The following AMD1 variants were observed in gnomAD, a reference collection of about 807,000 sequenced individuals.
AMD1 encodes S-adenosylmethionine decarboxylase proenzyme.
Under a neutral mutation model 40.2 loss-of-function variants are expected in AMD1, and 11 were observed. That is an observed-to-expected ratio of 0.27 (90% CI 0.17 to 0.45). The LOEUF (loss-of-function observed/expected upper bound fraction) is 0.45, where lower values mean the gene tolerates loss of function less well. AMD1 is among the 20% of genes least tolerant of loss of function. AMD1 has a pLI of 1.00. For synonymous variants in AMD1, 121 were observed against 130.8 expected (o/e 0.93, Z 0.51); for missense variants, 257 against 410.2 (o/e 0.63, Z 3.23).
chr6:110,827,102 A>G, the AMD1 span, among the ~76,000 whole-genome samples: 1 of 152,122 alleles, frequency 6.6e-6, no homozygotes, highest in African/African-American at 2.4e-5. Flanking sequence ...AGCCTATTTC[A>G]AAATAAAGGT....
intron 1 of AMD1, among the ~76,000 whole-genome samples, chr6:110,878,301 G>A (rs1304852324): frequency 3.3e-5 from 5 of 152,116 alleles, no homozygotes; most frequent in South Asian, 2.1e-4. Flanking sequence ...TGGTGTGAGG[G>A]AATACACTTT....
chr6:110,889,840 T>A (rs144809454), intron 3 of AMD1: 18 of 155,688 alleles, frequency 1.2e-4, no homozygotes, highest in African/African-American at 2.4e-4. Flanking sequence ...TTGTAAGAAA[T>A]CTAAAGCAAT....
intron 8 of AMD1, 29 bp downstream of exon 8, chr6:110,893,094 T>C: frequency 6.4e-7 from 1 of 1,550,836 alleles, no homozygotes; most frequent in Non-Finnish European, 8.7e-7. Flanking sequence ...ATTAATCAGG[T>C]TATTTGATTT....
At chr6:110,852,095 C>G in the AMD1 span, among the ~76,000 whole-genome samples, 1 of 150,084 alleles carries the variant, frequency 6.7e-6, no homozygotes, top group Non-Finnish European at 1.5e-5. Flanking sequence ...CTTTGTTACC[C>G]AGGCTGGAGT....
chr6:110,892,017 T>G, intron 4 of AMD1, 144 bp from the exon 5 acceptor site: 120 of 978,808 alleles, frequency 1.2e-4, no homozygotes, highest in Non-Finnish European at 1.7e-4. Flanking sequence ...ATTATAGACA[T>G]GAGCTACTAT....
At chr6:110,819,164 CCTAATCAACA>C in the AMD1 span, among the ~76,000 whole-genome samples, 1 of 152,080 alleles carries the variant, frequency 6.6e-6, no homozygotes, top group Admixed American at 6.6e-5. Context: ...TTGAGACCAG[CCTAATCAACA>C]CGGAGAAACC....
intron 1 of AMD1, among the ~76,000 whole-genome samples, chr6:110,880,435 CA>C (rs1785342495): frequency 1.3e-5 from 2 of 152,150 alleles, no homozygotes; most frequent in Admixed American, 6.5e-5. Flanking sequence ...AAATCATTGC[CA>C]AATGTAATGC....
chr6:110,827,531 A>C, the AMD1 span, among the ~76,000 whole-genome samples: 1 of 152,076 alleles, frequency 6.6e-6, no homozygotes, highest in South Asian at 2.1e-4. Flanking sequence ...TTGGGAGGCC[A>C]AGGTGGGTGG....
chr6:110,875,071 T>A lies in AMD1; in HGVS notation c.-35T>A, dbSNP rs1785023258. The A allele has an allele frequency of 1.3e-6, 2 of 1,547,678 alleles. No homozygotes were observed. The highest frequency in any genetic ancestry group is 2.3e-5 in the South Asian group (2 of 87,910). Reference sequence around the variant, plus strand: ...AGAAGAGGTTTAATTTAGTTGATTTTCTGTGGTTGTTGGTTGTTCGCTAGT... The same window carrying A: ...AGAAGAGGTTTAATTTAGTTGATTTACTGTGGTTGTTGGTTGTTCGCTAGT... On this transcript the variant is annotated 5_prime_UTR_variant, in exon 1 of 9. Transcript: ENST00000368885.
chr6:110,875,914 C>T (rs1052261879), intron 1 of AMD1, among the ~76,000 whole-genome samples: 1 of 152,164 alleles, frequency 6.6e-6, no homozygotes, highest in African/African-American at 2.4e-5. Context: ...CGGCGCAGTC[C>T]CCGGGGCCGC....
rs763886950 is a variant in AMD1 at position 110,892,317 on chromosome 6, T to C, written c.489T>C (p.Asp163=). The C allele has an allele frequency of 6.2e-7, 1 of 1,613,852 alleles. No homozygotes were observed. The highest frequency in any genetic ancestry group is 8.5e-7 in the Non-Finnish European group (1 of 1,180,034). The part of the protein sequence containing the change: ...NSDCWYLYTL[D]FPESRVISQP... ...TATTTAGGTACTTATATACTCTGGA[T>C]TTCCCAGAGAGTCGGGTAATCAGTC... Residue 163 remains aspartate (D), a synonymous_variant, in exon 6 of 9, where the codon GAT becomes GAC. Coordinates refer to ENST00000368885, the MANE Select transcript of AMD1 (RefSeq NM_001634.6).
At chr6:110,875,931 C>CA (rs1785081592) in intron 1 of AMD1, among the ~76,000 whole-genome samples, 1 of 152,182 alleles carries the variant, frequency 6.6e-6, no homozygotes, top group Non-Finnish European at 1.5e-5. Context: ...CCGCCCTCGA[C>CA]ACGGCCGCTG....
At position 110,895,115 on chromosome 6, in the gene AMD1, C is replaced by G. The variant is rs1200184157; in HGVS notation, c.*1499C>G. 6.6e-6 allele frequency: 1 copy of G among 152,150 alleles called. No homozygotes were observed. The highest frequency in any genetic ancestry group is 1.5e-5 in the Non-Finnish European group (1 of 68,032). The allele number at this position is 152,150 out of a possible 1,614,324, so 9.4% of individuals were successfully genotyped here. Reference sequence around the variant, plus strand: ...TTGACTAAATTTTATATTTCTTGTCCTCTAAATATTTTGATAATTTCTGGA... The same window carrying G: ...TTGACTAAATTTTATATTTCTTGTCGTCTAAATATTTTGATAATTTCTGGA... On this transcript the variant is annotated 3_prime_UTR_variant, in exon 9 of 9. Transcript: ENST00000368885.
At chr6:110,887,827 AG>A (rs1785778200) in intron 2 of AMD1, among the ~76,000 whole-genome samples, 2 of 152,130 alleles carry the variant, frequency 1.3e-5, no homozygotes, top group African/African-American at 4.8e-5. Flanking sequence ...CTGGGATTAC[AG>A]GCACCTTCCA....
the AMD1 span, among the ~76,000 whole-genome samples, chr6:110,840,580 C>A: frequency 6.6e-6 from 1 of 152,112 alleles, no homozygotes; most frequent in Non-Finnish European, 1.5e-5. Context: ...CATGTTCACC[C>A]TAGGCCTGCC....
chr6:110,875,250 T>A (rs1785030681), intron 1 of AMD1, 35 bp downstream of exon 1: 2 of 1,533,550 alleles, frequency 1.3e-6, no homozygotes, highest in South Asian at 2.3e-5. Flanking sequence ...CATCCGGGCC[T>A]GGGGGCTGTC....
the AMD1 span, among the ~76,000 whole-genome samples, chr6:110,868,341 G>C: frequency 6.6e-6 from 1 of 151,886 alleles, no homozygotes; most frequent in Non-Finnish European, 1.5e-5. Context: ...TTAGAGACAG[G>C]GTTTCAACCT....
chr6:110,889,173 G>A, intron 3 of AMD1, 190 bp downstream of exon 3: 3 of 463,606 alleles, frequency 6.5e-6, no homozygotes, highest in Non-Finnish European at 1.0e-5. Flanking sequence ...CAGAGAATGA[G>A]TTAGGATGAA....
chr6:110,874,789 A>G lies in AMD1; in HGVS notation c.-317A>G. ...CGGTGCTCACGCAGCGCTCTCGCTTACACAGTATGGCCGGCGACATTAGCT... is the reference window on the plus strand; with the variant it reads ...CGGTGCTCACGCAGCGCTCTCGCTTGCACAGTATGGCCGGCGACATTAGCT... On this transcript the variant is annotated 5_prime_UTR_variant, in exon 1 of 9. Transcript: ENST00000368885. 1 of 261,516 alleles carries G rather than the reference A, an allele frequency of 3.8e-6. No homozygotes were observed. The highest frequency in any genetic ancestry group is 7.4e-6 in the Non-Finnish European group (1 of 134,988). The allele number at this position is 261,516 out of a possible 1,614,324, so 16.2% of individuals were successfully genotyped here. A position where few individuals can be genotyped will look rare whatever the true frequency, so the allele number is the denominator to read the frequency against.
Sources: allele counts gnomAD v4.1 joint callset (sites outside exome capture counted in the v4.1 genomes callset), GRCh38; gene constraint gnomAD v4.1.1; transcripts MANE v1.5; gene names NCBI Gene and HGNC (gene_info 2026-07-23, HGNC 2026-07-21).